The following ZSWIM5 variants were observed in gnomAD, a reference collection of about 807,000 sequenced individuals.
The protein encoded by ZSWIM5 is zinc finger SWIM domain-containing protein 5.
ZSWIM5 carries 55 observed loss-of-function variants against 119.6 expected under a neutral mutation model. The observed-to-expected ratio is 0.46, with a 90% CI of 0.37 to 0.58. The LOEUF is 0.58. Ranked by LOEUF, ZSWIM5 falls within the 20% of genes least tolerant of loss-of-function variation. ZSWIM5 has a pLI of 0.00. For missense variants in ZSWIM5, 1,193 were observed against 1,512.8 expected, an observed-to-expected ratio of 0.79 and a Z score of 3.51; for synonymous variants, 537 against 606.9, an observed-to-expected ratio of 0.88 and a Z score of 1.69.
At chr1:45,085,586 G>A (rs1193847654) in intron 2 of ZSWIM5, among the ~76,000 whole-genome samples, 3 of 148,746 alleles carry the variant, frequency 2.0e-5, no homozygotes, top group African/African-American at 7.6e-5. Context: ...AAGCAGTCAG[G>A]CTACATCTTC....
chr1:45,020,862 T>G (rs1309146747), intron 11 of ZSWIM5, 74 bp from the exon 12 acceptor site: 9 of 1,499,568 alleles, frequency 6.0e-6, no homozygotes, highest in Non-Finnish European at 7.3e-6. Context: ...CAATAGATAC[T>G]CATTGAAATG....
At chr1:45,050,116 G>T (rs569537872) in intron 5 of ZSWIM5, among the ~76,000 whole-genome samples, 73 of 152,302 alleles carry the variant, frequency 4.8e-4, no homozygotes, top group African/African-American at 1.7e-3. Context: ...CATTCTGAGA[G>T]GCTGACGGTG....
Position 45,044,777 on chromosome 1 carries a change from A to G in ZSWIM5, c.1433-1382T>C, listed in dbSNP as rs1280679341. ...TATATATATATATATATATATATAA[A>G]TATATATATATAAATATATATATAT... On this transcript the variant is annotated intron_variant, in intron 5 of 13. Transcript: ENST00000359600. Among the ~76,000 whole-genome samples the G allele has an allele frequency of 2.7e-3, 5 of 1,874 alleles. 2 individuals are homozygous for G. The highest frequency in any genetic ancestry group is 5.6e-3 in the Non-Finnish European group (5 of 888). 1.2% of individuals were successfully genotyped at this position (1,874 alleles called of 152,430 possible).
chr1:45,051,115 T>C lies in ZSWIM5; in HGVS notation c.1391A>G (p.Asn464Ser), dbSNP rs375814233. Residue 464 changes from asparagine (N) to serine (S), a missense_variant, in exon 5 of 14, where the codon AAC (asparagine) becomes AGC (serine). By Grantham distance (46) the Asn-to-Ser change is conservative (BLOSUM62 1). Around this residue, in one of 2 missense-constraint regions of ZSWIM5, gnomAD observed 961 missense variants for 1,290.0 expected, o/e 0.74. Coordinates refer to ENST00000359600, the MANE Select transcript of ZSWIM5 (RefSeq NM_020883.2). ...EDGNYGHELP[N>S]ITNALPQSAI... ...ACTCTGGGGAAGTGCATTGGTGATG[T>C]TGGGCAGCTCATGTCCATAGTTTCC... 8.2e-5 allele frequency: 133 copies of C among 1,614,058 alleles called. 2 individuals are homozygous for C. Among genetic ancestry groups the C allele is most frequent in the South Asian group, 7.6e-4 (69 of 91,076 alleles).
chr1:45,112,923 C>T (rs1376466229), intron 1 of ZSWIM5, among the ~76,000 whole-genome samples: 3 of 152,164 alleles, frequency 2.0e-5, no homozygotes, highest in Admixed American at 6.5e-5. Flanking sequence ...TGCTAGCAAG[C>T]TTTGGCTCCT....
chr1:45,040,328 T>C, intron 7 of ZSWIM5, 64 bp downstream of exon 7: 1 of 1,459,890 alleles, frequency 6.8e-7, no homozygotes, highest in Non-Finnish European at 9.1e-7. Context: ...CTGGGCCTTG[T>C]ATCCCCTGAG....
intron 11 of ZSWIM5, among the ~76,000 whole-genome samples, chr1:45,030,108 C>T (rs891988844): frequency 4.6e-5 from 7 of 151,992 alleles, no homozygotes; most frequent in Non-Finnish European, 8.8e-5. Context: ...CCTTGTCCCG[C>T]TAGTTTTTAA....
chr1:45,017,012 G>A lies in ZSWIM5; in HGVS notation c.*1442C>T, dbSNP rs1238270990. 6.6e-6 allele frequency: 1 copy of A among 152,410 alleles called. No individual in the cohort carries two copies. Among genetic ancestry groups the A allele is most frequent in the African/African-American group, 2.4e-5 (1 of 41,452 alleles). 9.4% of individuals were successfully genotyped at this position (152,410 alleles called of 1,614,324 possible). ...CGAGGAAGCTTGAGGTAGAAAGGCA[G>A]GGGAAGAAAGCAAGTATGAGGCGAG... On this transcript the variant is annotated 3_prime_UTR_variant, in exon 14 of 14. Transcript: ENST00000359600.
intron 1 of ZSWIM5, among the ~76,000 whole-genome samples, chr1:45,090,811 G>A (rs968272703): frequency 3.3e-5 from 5 of 150,936 alleles, no homozygotes; most frequent in Non-Finnish European, 5.9e-5. Context: ...GACACGGGGT[G>A]AGACCCTGTC....
At chr1:45,194,417 A>G (rs1646110172) in intron 1 of ZSWIM5, among the ~76,000 whole-genome samples, 1 of 152,204 alleles carries the variant, frequency 6.6e-6, no homozygotes, top group Non-Finnish European at 1.5e-5. Flanking sequence ...GAAGATAACA[A>G]AAAGCTATTT....
intron 2 of ZSWIM5, among the ~76,000 whole-genome samples, chr1:45,060,968 T>C (rs1645148995): frequency 6.6e-6 from 1 of 152,220 alleles, no homozygotes. Flanking sequence ...AAAAAAATTC[T>C]GTTTTTTTAA....
At chr1:45,133,968 A>G (rs1445362400) in intron 1 of ZSWIM5, among the ~76,000 whole-genome samples, 1 of 151,984 alleles carries the variant, frequency 6.6e-6, no homozygotes, top group East Asian at 1.9e-4. Context: ...CCATGGGTCT[A>G]TATCTCTGTT....
At chr1:45,159,853 T>C (rs1325914874) in intron 1 of ZSWIM5, among the ~76,000 whole-genome samples, 1 of 152,192 alleles carries the variant, frequency 6.6e-6, no homozygotes, top group Non-Finnish European at 1.5e-5. Flanking sequence ...CCTCCCAAAG[T>C]GCTGGGATTA....
intron 5 of ZSWIM5, among the ~76,000 whole-genome samples, chr1:45,047,017 CAAAAAAAAAAA>C (rs35174853): frequency 1.1e-5 from 1 of 92,798 alleles, no homozygotes. Flanking sequence ...AACTCTGTCT[CAAAAAAAAAAA>C]AAAAAAAAAA....
intron 1 of ZSWIM5, among the ~76,000 whole-genome samples, chr1:45,090,855 G>T (rs1237536911): frequency 2.0e-5 from 3 of 151,280 alleles, no homozygotes; most frequent in Non-Finnish European, 4.4e-5. Flanking sequence ...AAGAACTAAA[G>T]AAGAGAACTG....
At chr1:45,034,560 TG>T (rs1220563688) in intron 10 of ZSWIM5, 91 bp from the exon 11 acceptor site, 2 of 1,440,592 alleles carry the variant, frequency 1.4e-6, no homozygotes, top group African/African-American at 2.8e-5. Flanking sequence ...GGGGAGGAAC[TG>T]GGGAGAGGAA....
At chr1:45,169,716 T>C (rs1037830372) in intron 1 of ZSWIM5, among the ~76,000 whole-genome samples, 1 of 152,078 alleles carries the variant, frequency 6.6e-6, no homozygotes, top group Non-Finnish European at 1.5e-5. Flanking sequence ...GCTTAATACA[T>C]AGTCTCAACT....
At chr1:45,025,542 A>G (rs1243662864) in intron 11 of ZSWIM5, among the ~76,000 whole-genome samples, 1 of 151,996 alleles carries the variant, frequency 6.6e-6, no homozygotes, top group African/African-American at 2.4e-5. Context: ...ATTTTGTTAG[A>G]TTTATTCCTA....
intron 1 of ZSWIM5, among the ~76,000 whole-genome samples, chr1:45,143,888 C>T (rs1459873586): frequency 6.9e-6 from 1 of 144,710 alleles, no homozygotes; most frequent in African/African-American, 2.5e-5. Context: ...AAAAAAAAAA[C>T]AATTATAATA....
Sources: gnomAD v4.1 joint callset for allele counts (sites outside exome capture counted in the v4.1 genomes callset) on GRCh38, gnomAD v4.1.1 for gene constraint, gnomAD v4.1.1 regional missense constraint, MANE v1.5 for transcripts, NCBI Gene and HGNC (gene_info 2026-07-23, HGNC 2026-07-21) for gene names.